The following EOGT variants were observed in gnomAD, a reference collection of about 807,000 sequenced individuals.
The protein encoded by EOGT is EGF domain-specific O-linked N-acetylglucosamine transferase.
EOGT carries 55 observed loss-of-function variants against 70.5 expected under a neutral mutation model. The ratio of observed to expected loss-of-function variants is 0.78; its 90% CI spans 0.63 to 0.98. The LOEUF (loss-of-function observed/expected upper bound fraction) is 0.98. EOGT is among the 50% of genes least tolerant of loss of function. EOGT has a pLI of 0.00. For missense variants in EOGT, 703 were observed against 641.9 expected, an observed-to-expected ratio of 1.10 and a Z score of -1.03; for synonymous variants, 246 against 217.1, an observed-to-expected ratio of 1.13 and a Z score of -1.17.
At chr3:69,003,413 G>GT (rs2091352612) in intron 8 of EOGT, among the ~76,000 whole-genome samples, 1 of 152,098 alleles carries the variant, frequency 6.6e-6, no homozygotes, top group Non-Finnish European at 1.5e-5. Flanking sequence ...ATGGGGGTGG[G>GT]TTTTTCCTGC....
intron 13 of EOGT, among the ~76,000 whole-genome samples, chr3:68,988,017 C>T (rs962911794): frequency 2.0e-5 from 3 of 152,202 alleles, no homozygotes; most frequent in Non-Finnish European, 2.9e-5. Context: ...TGGGTTCAAG[C>T]GATTCTCATG....
intron 10 of EOGT, among the ~76,000 whole-genome samples, chr3:68,994,483 T>A (rs1428668101): frequency 6.6e-6 from 1 of 152,214 alleles, no homozygotes; most frequent in Non-Finnish European, 1.5e-5. Flanking sequence ...AATCAGGTAT[T>A]ACTTTCATAA....
intron 15 of EOGT, 194 bp downstream of exon 15, chr3:68,982,617 G>GGC: frequency 2.5e-6 from 1 of 408,132 alleles, no homozygotes; most frequent in Non-Finnish European, 4.4e-6. Context: ...GACAACATCA[G>GGC]GCCCCAGAAA....
chr3:68,981,703 G>A (rs1466681373), intron 15 of EOGT, among the ~76,000 whole-genome samples: 1 of 152,048 alleles, frequency 6.6e-6, no homozygotes, highest in Non-Finnish European at 1.5e-5. Flanking sequence ...TAAATATTTG[G>A]TAAGTTTTTT....
rs200095033 is a variant in EOGT at position 69,007,853 on chromosome 3, T to C, written c.312-32A>G. Reference sequence around the variant, plus strand: ...GCAAATAAAAATATTCTGTGTTTTTTTCTTTTTACTTTTTTGGACCTTGAA... The same window carrying C: ...GCAAATAAAAATATTCTGTGTTTTTCTCTTTTTACTTTTTTGGACCTTGAA... On this transcript the variant is annotated intron_variant, in intron 5 of 17. Transcript: ENST00000383701. The C allele has an allele frequency of 1.3e-4, 202 of 1,504,828 alleles. No individual in the cohort carries two copies. The African/African-American group carries it at 2.7e-3, about 20-fold the overall frequency. The allele number at this position is 1,504,828 out of a possible 1,614,324, so 93.2% of individuals were successfully genotyped here.
intron 9 of EOGT, among the ~76,000 whole-genome samples, chr3:68,998,712 G>GATACGGTGGCAGACACATGTT (rs2091220331): frequency 6.6e-6 from 1 of 151,812 alleles, no homozygotes; most frequent in Admixed American, 6.6e-5. Context: ...AAATTAGGCA[G>GATACGGTGGCAGACACATGTT]GCGTGGTTAG....
rs1553660499 is a variant in EOGT at position 68,976,641 on chromosome 3, C to CGCGTGTGTGT, written c.*976_*977insACACACACGC. 2.8e-5 allele frequency: 4 copies of CGCGTGTGTGT among 144,306 alleles called. No homozygotes were observed. Among genetic ancestry groups the CGCGTGTGTGT allele is most frequent in the African/African-American group, 1.0e-4 (4 of 38,350 alleles). The allele number at this position is 144,306 out of a possible 1,614,324, so 8.9% of individuals were successfully genotyped here. A position where few individuals can be genotyped will look rare whatever the true frequency, so the allele number is the denominator to read the frequency against. ...CTTGGTACTGAGAATCACAACTCTGCGTGTGTGTGTGTGTGTGTGTGTGTG... is the reference window on the plus strand; with the variant it reads ...CTTGGTACTGAGAATCACAACTCTGCGCGTGTGTGTGTGTGTGTGTGTGTGTGTGTGTGTG... On this transcript the variant is annotated 3_prime_UTR_variant, in exon 18 of 18. Transcript: ENST00000383701.
At chr3:68,982,708 G>T in intron 15 of EOGT, 103 bp downstream of exon 15, 1 of 696,730 alleles carries the variant, frequency 1.4e-6, no homozygotes, top group Non-Finnish European at 2.4e-6. Flanking sequence ...TCCCTTCTGG[G>T]CCTACAAATG....
At chr3:68,996,346 C>T (rs1432646329) in intron 10 of EOGT, among the ~76,000 whole-genome samples, 2 of 152,210 alleles carry the variant, frequency 1.3e-5, no homozygotes, top group Non-Finnish European at 2.9e-5. Flanking sequence ...AACTGTCTCT[C>T]CTTCTGCATG....
At position 69,004,423 on chromosome 3, in the gene EOGT, C is replaced by G. The variant is rs138697363; in HGVS notation, c.575G>C (p.Arg192Pro). 1 of 1,613,948 alleles carries G rather than the reference C, an allele frequency of 6.2e-7. No homozygotes were observed. Among genetic ancestry groups the G allele is most frequent in the Non-Finnish European group, 8.5e-7 (1 of 1,179,952 alleles). ...EIGGHCKLDI[R>P]TLTSEGQRKS... The stretch of plus-strand genomic sequence containing the variant: ...GCGCTGACCTTCAGACGTCAATGTA[C>G]GGATGTCAAGTTTACAGTGCCCTCC... Residue 192 changes from arginine (R) to proline (P), a missense_variant, in exon 8 of 18, where the codon CGT becomes CCT. By Grantham distance (103) the Arg-to-Pro change is moderately radical. Coordinates refer to ENST00000383701, the MANE Select transcript of EOGT (RefSeq NM_001278689.2).
intron 3 of EOGT, among the ~76,000 whole-genome samples, chr3:69,011,595 C>A (rs75417066): frequency 2.2e-3 from 278 of 127,522 alleles, no homozygotes; most frequent in East Asian, 3.1e-3. Flanking sequence ...GACTCTGTCT[C>A]AAAAAAAAAA....
chr3:69,000,980 C>T (rs12492082), intron 9 of EOGT, among the ~76,000 whole-genome samples: 49,762 of 148,666 alleles, frequency 0.33, 8,749 homozygotes, highest in East Asian at 0.55. Flanking sequence ...TTTTTTAAGA[C>T]GGAGTCTTGC....
Position 68,977,744 on chromosome 3 carries a change from C to T in EOGT, c.1458G>A (p.Gly486=), listed in dbSNP as rs191230655. 9.3e-6 allele frequency: 15 copies of T among 1,613,070 alleles called. No individual in the cohort carries two copies. Among genetic ancestry groups the T allele is most frequent in the African/African-American group, 2.7e-5 (2 of 74,960 alleles). Residue 486 remains glycine, a synonymous_variant, in exon 18 of 18, where the codon GGG becomes GGA. Transcript: ENST00000383701. ...AGTAGTTGGTGAACTTCGGGTGCTCCCCCAGGGTTGGATGGTGGCCCTGTG... is the reference window on the plus strand; with the variant it reads ...AGTAGTTGGTGAACTTCGGGTGCTCTCCCAGGGTTGGATGGTGGCCCTGTG... The part of the protein sequence containing the change: ...PQDKGHHPTL[G]EHPKFTNYSF...
intron 12 of EOGT, 40 bp downstream of exon 12, chr3:68,988,466 G>A (rs1559594123): frequency 6.7e-7 from 1 of 1,491,936 alleles, no homozygotes; most frequent in Non-Finnish European, 9.0e-7. Flanking sequence ...TAAATGTTAT[G>A]TCTGTAAATA....
chr3:68,988,003 C>G, intron 13 of EOGT: 1 of 414,768 alleles, frequency 2.4e-6, no homozygotes. Flanking sequence ...CAGCCTCTGC[C>G]TCCTGGGTTC....
chr3:68,985,386 G>T (rs7433622), intron 14 of EOGT, among the ~76,000 whole-genome samples: 122,648 of 152,084 alleles, frequency 0.81, 49,643 homozygotes, highest in Admixed American at 0.85. Context: ...TACATAATTC[G>T]GATCAGCCTG....
In EOGT at chr3:68,979,797, T is replaced by C; in HGVS notation, c.1215-10A>G. On this transcript the variant is annotated splice_polypyrimidine_tract_variant and intron_variant, in intron 15 of 17. Coordinates refer to ENST00000383701, the MANE Select transcript of EOGT (RefSeq NM_001278689.2). Reference sequence around the variant, plus strand: ...TAAAAACCCAAGTTCTCTGTGAACATACAGAATAACATGAGAGAGATGGGG... The same window carrying C: ...TAAAAACCCAAGTTCTCTGTGAACACACAGAATAACATGAGAGAGATGGGG... 6.2e-7 allele frequency: 1 copy of C among 1,612,094 alleles called. No individual in the cohort carries two copies. Among genetic ancestry groups the C allele is most frequent in the Non-Finnish European group, 8.5e-7 (1 of 1,178,518 alleles).
At chr3:68,993,430 T>C (rs1340180179) in intron 10 of EOGT, among the ~76,000 whole-genome samples, 1 of 152,150 alleles carries the variant, frequency 6.6e-6, no homozygotes. Flanking sequence ...TTGCTCCAGT[T>C]CCCAACAGGT....
chr3:68,989,748 CAAAAA>C (rs56000169), intron 10 of EOGT, among the ~76,000 whole-genome samples: 175 of 93,196 alleles, frequency 1.9e-3, no homozygotes, highest in African/African-American at 5.4e-3. Flanking sequence ...AACTCCATCT[CAAAAA>C]AAAAAAAAAA....
Sources: gnomAD v4.1 joint callset for allele counts (sites outside exome capture counted in the v4.1 genomes callset) on GRCh38, gnomAD v4.1.1 for gene constraint, MANE v1.5 for transcripts, NCBI Gene and HGNC (gene_info 2026-07-23, HGNC 2026-07-21) for gene names.